Variants in EML4 observed in about 807,000 individuals in gnomAD.
The protein encoded by EML4 is EMAP like 4, also known as echinoderm microtubule-associated protein-like 4.
EML4 carries 72 observed loss-of-function variants against 129.0 expected under a neutral mutation model. The ratio of observed to expected loss-of-function variants is 0.56; its 90% CI spans 0.46 to 0.68. The LOEUF is 0.68. Among genes scored for constraint, EML4 ranks in the 30% least tolerant of loss-of-function variants. The pLI is 0.00. For synonymous variants in EML4, 532 were observed against 405.0 expected, an observed-to-expected ratio of 1.31 and a Z score of -3.77; for missense variants, 1,363 against 1,190.6, an observed-to-expected ratio of 1.14 and a Z score of -2.13.
intron 1 of EML4, among the ~76,000 whole-genome samples, chr2:42,231,448 T>C (rs1053682792): frequency 2.0e-5 from 3 of 152,174 alleles, no homozygotes; most frequent in Admixed American, 6.5e-5. Context: ...TATAATGACC[T>C]CAAACTCAGC....
chr2:42,187,050 G>A (rs1052562263), intron 1 of EML4, among the ~76,000 whole-genome samples: 2 of 137,476 alleles, frequency 1.5e-5, no homozygotes, highest in Admixed American at 7.3e-5. Context: ...TTTTTGGAGC[G>A]GGGGGGTGGG....
intron 9 of EML4, chr2:42,286,032 A>G (rs932858112): frequency 7.0e-6 from 4 of 569,512 alleles, no homozygotes; most frequent in Non-Finnish European, 1.3e-5. Context: ...AATATGTGTA[A>G]TACTTAGAAT....
chr2:42,270,760 C>A (rs1226520898), intron 6 of EML4, among the ~76,000 whole-genome samples: 1 of 152,180 alleles, frequency 6.6e-6, no homozygotes, highest in East Asian at 1.9e-4. Flanking sequence ...CAGATTCTTT[C>A]CTTTTTACCA....
chr2:42,301,487 T>A, intron 14 of EML4, 95 bp downstream of exon 14: 1 of 975,374 alleles, frequency 1.0e-6, no homozygotes, highest in Non-Finnish European at 1.4e-6. Context: ...GGCAAACTTA[T>A]TAAATTCTTA....
chr2:42,230,664 C>T (rs1195899673), intron 1 of EML4, among the ~76,000 whole-genome samples: 2 of 152,160 alleles, frequency 1.3e-5, no homozygotes, highest in Non-Finnish European at 2.9e-5. Context: ...CCTCAGCCTC[C>T]GAAAGTGCTG....
chr2:42,288,568 C>T, intron 11 of EML4: 1 of 229,294 alleles, frequency 4.4e-6, no homozygotes, highest in Non-Finnish European at 8.5e-6. Flanking sequence ...TCCTGAAATG[C>T]CAGAGTAGAT....
At chr2:42,311,416 G>C (rs1214039107) in intron 17 of EML4, among the ~76,000 whole-genome samples, 1 of 152,086 alleles carries the variant, frequency 6.6e-6, no homozygotes, top group Non-Finnish European at 1.5e-5. Flanking sequence ...AGCCAGGCGT[G>C]GTAGCACATG....
chr2:42,275,266 T>G (rs1666592343), intron 6 of EML4, among the ~76,000 whole-genome samples: 2 of 152,206 alleles, frequency 1.3e-5, no homozygotes, highest in Non-Finnish European at 2.9e-5. Context: ...CCTTTCATAC[T>G]AAGTCTTCAA....
intron 17 of EML4, among the ~76,000 whole-genome samples, chr2:42,307,879 C>G (rs757805138): frequency 3.3e-5 from 5 of 152,152 alleles, no homozygotes; most frequent in Non-Finnish European, 5.9e-5. Flanking sequence ...GGTCTGGAAC[C>G]CCTGGCCTCA....
chr2:42,250,051 G>A (rs1675663983), intron 2 of EML4, among the ~76,000 whole-genome samples: 1 of 152,188 alleles, frequency 6.6e-6, no homozygotes, highest in African/African-American at 2.4e-5. Context: ...ACCTCTTGAG[G>A]TGACCAAATG....
chr2:42,286,621 T>A (rs1667322146), intron 10 of EML4, among the ~76,000 whole-genome samples: 1 of 152,238 alleles, frequency 6.6e-6, no homozygotes. Context: ...TATGCTGCCT[T>A]GAGGTAGAGC....
At chr2:42,286,481 G>T in intron 10 of EML4, 102 bp downstream of exon 10, 1 of 715,656 alleles carries the variant, frequency 1.4e-6, no homozygotes. Context: ...ATAATCCTGA[G>T]TTGAAAAATG....
intron 1 of EML4, among the ~76,000 whole-genome samples, chr2:42,217,918 G>A (rs539575728): frequency 6.6e-6 from 1 of 152,280 alleles, no homozygotes; most frequent in East Asian, 1.9e-4. Flanking sequence ...TGGAACATCC[G>A]TAGGGTACTG....
chr2:42,188,383 G>T (rs1489498116), intron 1 of EML4, among the ~76,000 whole-genome samples: 3 of 151,950 alleles, frequency 2.0e-5, no homozygotes, highest in Admixed American at 2.0e-4. Context: ...ACCATGCCTG[G>T]CTAATTTTTG....
chr2:42,176,471 T>G (rs543368970), intron 1 of EML4, among the ~76,000 whole-genome samples: 1 of 152,332 alleles, frequency 6.6e-6, no homozygotes, highest in Non-Finnish European at 1.5e-5. Flanking sequence ...TAACATCTTC[T>G]CAAGTCCTCT....
intron 1 of EML4, among the ~76,000 whole-genome samples, chr2:42,176,412 T>C (rs1468037455): frequency 3.3e-5 from 5 of 152,220 alleles, no homozygotes; most frequent in African/African-American, 1.2e-4. Flanking sequence ...ATTCACCCTC[T>C]CAGATTGCTT....
intron 1 of EML4, among the ~76,000 whole-genome samples, chr2:42,229,471 A>G (rs1380607486): frequency 2.0e-5 from 3 of 152,198 alleles, no homozygotes; most frequent in Admixed American, 6.5e-5. Flanking sequence ...TATTCCAGGA[A>G]CAGTTATGTT....
chr2:42,200,352 A>G (rs1190627440), intron 1 of EML4, among the ~76,000 whole-genome samples: 3 of 152,092 alleles, frequency 2.0e-5, no homozygotes, highest in African/African-American at 7.2e-5. Flanking sequence ...AGCACTGTGT[A>G]GACAAGGGGA....
At chr2:42,319,860 G>T (rs886696539) in intron 19 of EML4, 1 of 152,060 alleles carries the variant, frequency 6.6e-6, no homozygotes, top group East Asian at 1.9e-4. Flanking sequence ...CAACATTTAG[G>T]TGACTGTTAT....
Sources: gnomAD v4.1 joint callset for allele counts (sites outside exome capture counted in the v4.1 genomes callset) on GRCh38, gnomAD v4.1.1 for gene constraint, MANE v1.5 for transcripts, NCBI Gene and HGNC (gene_info 2026-07-23, HGNC 2026-07-21) for gene names.